WDFY3: variants seen among roughly 807,000 people sequenced by gnomAD.
WDFY3 encodes WD repeat and FYVE domain-containing protein 3.
A neutral mutation model predicts 409.6 loss-of-function variants in WDFY3; 66 were observed. That is an observed-to-expected ratio of 0.16 (90% CI 0.13 to 0.20). The LOEUF (loss-of-function observed/expected upper bound fraction) is 0.20. Among genes scored for constraint, WDFY3 ranks in the 10% least tolerant of loss-of-function variants. The pLI, the probability that WDFY3 is intolerant of heterozygous loss-of-function variation, is 1.00. For synonymous variants in WDFY3, 1,521 were observed against 1,537.1 expected (o/e 0.99, Z 0.25); for missense variants, 3,031 against 4,298.1 (o/e 0.71, Z 8.24).
At position 84,787,694 on chromosome 4, in the gene WDFY3, G is replaced by T; in HGVS notation, c.3689C>A (p.Thr1230Asn). 1 of 1,613,512 alleles carries T rather than the reference G, an allele frequency of 6.2e-7. No homozygotes were observed. Among genetic ancestry groups the T allele is most frequent in the South Asian group, 1.1e-5 (1 of 91,068 alleles). The change falls in exon 23 of 68, where the codon ACT becomes AAT. Residue 1230 changes from threonine (T) to asparagine (N), a missense_variant. Physicochemically the swap from Thr to Asn is moderately conservative, Grantham distance 65. Around this residue, in one of 16 missense-constraint regions of WDFY3, gnomAD observed 1,322 missense variants for 1,697.9 expected, o/e 0.78. Transcript: ENST00000295888. ...ATTTGCCGAACCTGAACCCCCTGGA[G>T]TACTGTGGACATAATGAAGCTGTAA... is the stretch of plus-strand genomic sequence containing the variant. ...NTVKLHYVHSTPGGSGSANPP... is the reference protein window; with the variant it reads ...NTVKLHYVHSNPGGSGSANPP...
intron 9 of WDFY3, among the ~76,000 whole-genome samples, chr4:84,827,786 A>AT (rs1417061803): frequency 6.6e-6 from 1 of 152,160 alleles, no homozygotes; most frequent in African/African-American, 2.4e-5. Flanking sequence ...GTTATCTAAT[A>AT]TCAACTAGCA....
At chr4:84,949,992 C>T (rs1773393941) in intron 1 of WDFY3, among the ~76,000 whole-genome samples, 1 of 152,108 alleles carries the variant, frequency 6.6e-6, no homozygotes, top group South Asian at 2.1e-4. Flanking sequence ...AGACTTGGAA[C>T]CAACCCAAAT....
rs1347484418 is a variant in WDFY3, at chr4:84,786,126, T to C, written c.3915A>G (p.Lys1305=). 6.2e-7 allele frequency: 1 copy of C among 1,600,028 alleles called. No individual in the cohort carries two copies. The highest frequency in any genetic ancestry group is 8.5e-7 in the Non-Finnish European group (1 of 1,174,848). ...QAVCMPCKDA[K]SEGVVPSPVS... is the part of the protein sequence containing the mutation. ...CAGGGGATGGCACCACCCCTTCGGA[T>C]TTTGCATCTTTACCTTCAAAAGAAG... Residue 1305 remains lysine (K), a synonymous_variant, in exon 24 of 68, where the codon AAA becomes AAG. Transcript: ENST00000295888.
intron 1 of WDFY3, among the ~76,000 whole-genome samples, chr4:84,941,359 GAGATAGAT>G (rs549116077): frequency 5.3e-5 from 8 of 151,886 alleles, no homozygotes; most frequent in East Asian, 1.9e-4. Flanking sequence ...TATAGATAAA[GAGATAGAT>G]AGATAGATAG....
chr4:84,956,422 G>GAC (rs147847422), intron 1 of WDFY3, among the ~76,000 whole-genome samples: 68 of 152,272 alleles, frequency 4.5e-4, no homozygotes, highest in Admixed American at 1.6e-3. Flanking sequence ...CCTACCCAAA[G>GAC]ACACAGCTCT....
rs570106392 is a variant in WDFY3, at chr4:84,693,138, A to G, written c.8902-106T>C. ...ATTTCAATTAAGGTTCACAAGAACT[A>G]TTAGGTACTATATTATCCTCATTTT... is the stretch of plus-strand genomic sequence containing the variant. On this transcript the variant is annotated intron_variant, in intron 58 of 67. Coordinates refer to ENST00000295888, the MANE Select transcript of WDFY3 (RefSeq NM_014991.6). 15 of 1,172,982 alleles carry G rather than the reference A, an allele frequency of 1.3e-5. No homozygotes were observed. The African/African-American group carries it at 1.6e-4, about 12-fold the overall frequency. The allele number at this position is 1,172,982 out of a possible 1,614,324, so 72.7% of individuals were successfully genotyped here.
chr4:84,901,911 T>G (rs1450358905), intron 2 of WDFY3, among the ~76,000 whole-genome samples: 2 of 152,226 alleles, frequency 1.3e-5, no homozygotes, highest in African/African-American at 2.4e-5. Context: ...TATAAAGTCC[T>G]GAATGCAATA....
intron 48 of WDFY3, among the ~76,000 whole-genome samples, chr4:84,717,700 A>G (rs1030398703): frequency 2.6e-5 from 4 of 152,194 alleles, no homozygotes; most frequent in Non-Finnish European, 5.9e-5. Flanking sequence ...CTCAGTCAGT[A>G]AATCTCTGCT....
At chr4:84,831,172 G>T (rs1454040633) in intron 8 of WDFY3, among the ~76,000 whole-genome samples, 1 of 136,336 alleles carries the variant, frequency 7.3e-6, no homozygotes. Context: ...GGGCGACAGA[G>T]TGAGACTCCA....
At chr4:84,819,346 G>C (rs989026983) in intron 12 of WDFY3, among the ~76,000 whole-genome samples, 1 of 151,872 alleles carries the variant, frequency 6.6e-6, no homozygotes, top group Non-Finnish European at 1.5e-5. Context: ...TTTGGGCATG[G>C]GGTTCATTCA....
intron 2 of WDFY3, among the ~76,000 whole-genome samples, chr4:84,917,286 C>T (rs777323254): frequency 2.0e-5 from 3 of 152,242 alleles, no homozygotes; most frequent in South Asian, 2.1e-4. Flanking sequence ...GAAAAGAAGC[C>T]AAGAGAGCCT....
chr4:84,860,352 T>C (rs755508564), intron 4 of WDFY3, 60 bp downstream of exon 4: 2 of 1,529,658 alleles, frequency 1.3e-6, no homozygotes, highest in Non-Finnish European at 1.8e-6. Context: ...ACCAGTAACC[T>C]TCAGATTCTT....
intron 61 of WDFY3, among the ~76,000 whole-genome samples, chr4:84,689,467 T>C (rs1415440508): frequency 6.6e-6 from 1 of 152,230 alleles, no homozygotes; most frequent in Non-Finnish European, 1.5e-5. Context: ...ATTAACCTTG[T>C]AATCTGTTCA....
chr4:84,750,019 T>C (rs1390021730), intron 36 of WDFY3, among the ~76,000 whole-genome samples: 2 of 152,228 alleles, frequency 1.3e-5, no homozygotes, highest in Non-Finnish European at 2.9e-5. Context: ...GAAAATGCTA[T>C]CACTGTATGT....
At chr4:84,848,330 A>G (rs1334098300) in intron 5 of WDFY3, among the ~76,000 whole-genome samples, 2 of 152,188 alleles carry the variant, frequency 1.3e-5, no homozygotes, top group Non-Finnish European at 2.9e-5. Flanking sequence ...ATAACAATGT[A>G]AGAGCCTAAA....
rs559560389 is a variant in WDFY3 at position 84,701,688 on chromosome 4, C to T, written c.8596+665G>A. Among the ~76,000 whole-genome samples, 3 of 152,246 alleles carry T rather than the reference C, an allele frequency of 2.0e-5. No homozygotes were observed. In the East Asian group the frequency reaches 5.8e-4, roughly 29 times the overall value. ...AAGTCAAATCCACTTCCTCTAACAG[C>T]CAGATAATATAAAAACAGCACTGAT... On this transcript the variant is annotated intron_variant, in intron 56 of 67. Transcript: ENST00000295888.
chr4:84,800,033 AG>A lies in WDFY3; in HGVS notation c.2822+1616del, dbSNP rs554231856. Among the ~76,000 whole-genome samples the A allele has an allele frequency of 4.3e-3, 651 of 152,306 alleles. 7 individuals are homozygous for A. Among genetic ancestry groups the A allele is most frequent in the Non-Finnish European group, 6.1e-3 (415 of 68,022 alleles). ...CTTTTAAAGTAGCAGATTACCAAAAAGGATCAGGGGAAAATCTCAATGCTAT... is the reference window on the plus strand; with the variant it reads ...CTTTTAAAGTAGCAGATTACCAAAAAGATCAGGGGAAAATCTCAATGCTAT... On this transcript the variant is annotated intron_variant, in intron 17 of 67. Coordinates refer to ENST00000295888, the MANE Select transcript of WDFY3 (RefSeq NM_014991.6).
chr4:84,710,405 A>T (rs1292729420), intron 51 of WDFY3, among the ~76,000 whole-genome samples: 2 of 152,238 alleles, frequency 1.3e-5, no homozygotes, highest in African/African-American at 2.4e-5. Context: ...TTAAAATGTT[A>T]TAAAATCCTA....
rs1324652598 is a variant in WDFY3, at chr4:84,763,297, G to A, written c.5188+2513C>T. Among the ~76,000 whole-genome samples, 7 of 151,990 alleles carry A rather than the reference G, an allele frequency of 4.6e-5. No individual in the cohort carries two copies. The East Asian group carries it at 9.7e-4, about 21-fold the overall frequency. ...ACACAGGAACAGAAAACCAAACACC[G>A]CATGTTCTCACTCATAAGTGGGAGT... is the stretch of plus-strand genomic sequence containing the variant. On this transcript the variant is annotated intron_variant, in intron 32 of 67. Transcript: ENST00000295888.
Sources: gnomAD v4.1 joint callset for allele counts (sites outside exome capture counted in the v4.1 genomes callset) on GRCh38, gnomAD v4.1.1 for gene constraint, gnomAD v4.1.1 regional missense constraint, MANE v1.5 for transcripts, NCBI Gene and HGNC (gene_info 2026-07-23, HGNC 2026-07-21) for gene names.